Variants in SELENOO observed in about 807,000 individuals in gnomAD.
The protein encoded by SELENOO is selenoprotein O.
SELENOO carries 74 observed loss-of-function variants against 58.7 expected under a neutral mutation model. The observed-to-expected ratio is 1.26, with a 90% CI of 1.04 to 1.53. The LOEUF (loss-of-function observed/expected upper bound fraction) is 1.53, where lower values mean the gene tolerates loss of function less well. Among genes scored for constraint, SELENOO ranks in the 40% most tolerant of loss-of-function variants. The pLI is 0.00. For synonymous variants in SELENOO, 543 were observed against 453.2 expected (o/e 1.20, Z -2.52); for missense variants, 1,149 against 970.0 (o/e 1.18, Z -2.45).
chr22:50,205,463 A>G (rs1299920054), intron 1 of SELENOO: 1 of 152,244 alleles, frequency 6.6e-6, no homozygotes, highest in African/African-American at 2.4e-5. Context: ...CATTGCCTGT[A>G]GTCCCATCTG....
chr22:50,208,455 A>G (rs1181667712), intron 2 of SELENOO, 81 bp from the exon 3 acceptor site: 2 of 1,354,816 alleles, frequency 1.5e-6, no homozygotes, highest in Non-Finnish European at 2.0e-6. Flanking sequence ...AATAGCCACA[A>G]CAACGTCTTT....
At chr22:50,209,724 C>G (rs938087982) in intron 3 of SELENOO, among the ~76,000 whole-genome samples, 3 of 152,148 alleles carry the variant, frequency 2.0e-5, no homozygotes, top group African/African-American at 7.2e-5. Context: ...GGGCTCCTGG[C>G]CCCCCTGTTG....
intron 1 of SELENOO, among the ~76,000 whole-genome samples, chr22:50,204,097 C>T (rs76348113): frequency 0.045 from 6,788 of 152,254 alleles, 500 homozygotes; most frequent in African/African-American, 0.16. Flanking sequence ...AGACGCTCAA[C>T]GTCATCAATC....
At chr22:50,207,477 C>T (rs1168329371) in intron 2 of SELENOO, among the ~76,000 whole-genome samples, 1 of 151,990 alleles carries the variant, frequency 6.6e-6, no homozygotes, top group African/African-American at 2.4e-5. Context: ...GCACTTCCTC[C>T]TGAACACCTG....
chr22:50,205,396 G>A (rs1292864526), intron 1 of SELENOO, among the ~76,000 whole-genome samples: 1 of 152,176 alleles, frequency 6.6e-6, no homozygotes, highest in Non-Finnish European at 1.5e-5. Context: ...GACTAGCGTG[G>A]GCAACATAAA....
rs1342530759 is a variant in SELENOO at position 50,210,874 on chromosome 22, G to A, written c.1314G>A (p.Ala438=). 17 of 1,614,004 alleles carry A rather than the reference G, an allele frequency of 1.1e-5. No individual in the cohort carries two copies. The highest frequency in any genetic ancestry group is 1.7e-5 in the Admixed American group (1 of 60,004). Residue 438 remains alanine (A), a synonymous_variant, in exon 5 of 9, where the codon GCG becomes GCA. Transcript: ENST00000380903. ...LVQVELEEDG[A]LVSKLLETMH... ...AGGTGGAGCTGGAGGAAGACGGGGC[G>A]CTGGTGTCCAAGCTCCTGGAGACCA...
rs376593934 is a variant in SELENOO, at chr22:50,216,790, G to A, written c.1602G>A (p.Glu534=). Residue 534 remains glutamate, a synonymous_variant, in exon 7 of 9, where the codon GAG becomes GAA. Coordinates refer to ENST00000380903, the MANE Select transcript of SELENOO (RefSeq NM_031454.2). ...TCGCCAGGGAGCTGGAGCGTGTGGA[G>A]CAGCAGTCTCGGCTGGAGCAGCTGA... The part of the protein sequence containing the change: ...AGIARELERV[E]QQSRLEQLSA... 45 of 1,609,146 alleles carry A rather than the reference G, an allele frequency of 2.8e-5. No individual in the cohort carries two copies. In the African/African-American group the frequency reaches 5.5e-4, roughly 20 times the overall value.
At position 50,210,186 on chromosome 22, in the gene SELENOO, G is replaced by A. The variant is rs574700035; in HGVS notation, c.945G>A (p.Thr315=). ...QRNAAFFREV[T]RRTARMVAEW... The stretch of plus-strand genomic sequence containing the variant: ...AGCACACTGTCCCACCCCAGGTGAC[G>A]CGGCGCACGGCGCGGATGGTGGCCG... Residue 315 remains threonine, a synonymous_variant, in exon 4 of 9, where the codon ACG becomes ACA. Coordinates refer to ENST00000380903, the MANE Select transcript of SELENOO (RefSeq NM_031454.2). 20 of 1,612,928 alleles carry A rather than the reference G, an allele frequency of 1.2e-5. No homozygotes were observed. The highest frequency in any genetic ancestry group is 1.1e-4 in the South Asian group (10 of 91,032).
At chr22:50,206,277 C>T in intron 1 of SELENOO, 40 bp from the exon 2 acceptor site, 2 of 1,587,178 alleles carry the variant, frequency 1.3e-6, no homozygotes, top group South Asian at 2.2e-5. Flanking sequence ...TGGGTGACCT[C>T]CTGACCGGCC....
intron 1 of SELENOO, 137 bp from the exon 2 acceptor site, chr22:50,206,180 C>T: frequency 1.4e-6 from 1 of 699,266 alleles, no homozygotes; most frequent in Non-Finnish European, 2.4e-6. Flanking sequence ...CCTGATGTCA[C>T]CTGGGACGGG....
rs1307801440 is a variant in SELENOO, at chr22:50,217,478, C to T, written c.*109C>T. ...ATACACTGGGGGATTCTGCCCTGGC[C>T]CATGCACACCCGTCTTTCCATGATG... On this transcript the variant is annotated 3_prime_UTR_variant, in exon 9 of 9. Coordinates refer to ENST00000380903, the MANE Select transcript of SELENOO (RefSeq NM_031454.2). 9.2e-6 allele frequency: 12 copies of T among 1,305,618 alleles called. No homozygotes were observed. The highest frequency in any genetic ancestry group is 5.0e-5 in the East Asian group (2 of 39,702). The allele number at this position is 1,305,618 out of a possible 1,614,324, so 80.9% of individuals were successfully genotyped here. A position where few individuals can be genotyped will look rare whatever the true frequency, so the allele number is the denominator to read the frequency against.
chr22:50,214,726 C>T (rs547347879), intron 5 of SELENOO, among the ~76,000 whole-genome samples: 1 of 152,358 alleles, frequency 6.6e-6, no homozygotes, highest in African/African-American at 2.4e-5. Context: ...GATTGCGCCA[C>T]TGCACTCCAG....
intron 5 of SELENOO, among the ~76,000 whole-genome samples, chr22:50,213,091 T>TA (rs1261496292): frequency 1.3e-5 from 2 of 152,192 alleles, no homozygotes; most frequent in Non-Finnish European, 2.9e-5. Flanking sequence ...GACGGAGTCT[T>TA]ACTCTGTCGC....
rs2064364330 is a variant in SELENOO, at chr22:50,210,703, G to A, written c.1143G>A (p.Val381=). 1 of 1,613,390 alleles carries A rather than the reference G, an allele frequency of 6.2e-7. No individual in the cohort carries two copies. The highest frequency in any genetic ancestry group is 2.2e-5 in the East Asian group (1 of 44,892). The change falls in exon 5 of 9, where the codon GTG becomes GTA. Residue 381 remains valine (V), a synonymous_variant. Transcript: ENST00000380903. ...ACGCGTACAGCAAGCAGCCCGAGGT[G>A]TGCAGGTGGAACCTGCGGAAGCTGG... The part of the protein sequence containing the change: ...GRYAYSKQPE[V]CRWNLRKLAE...
intron 2 of SELENOO, among the ~76,000 whole-genome samples, chr22:50,206,964 G>C (rs2064337277): frequency 6.6e-6 from 1 of 152,186 alleles, no homozygotes; most frequent in African/African-American, 2.4e-5. Flanking sequence ...TTATGACAAG[G>C]AACTACTTAG....
chr22:50,203,542 G>T (rs1312796985), intron 1 of SELENOO, among the ~76,000 whole-genome samples: 2 of 152,200 alleles, frequency 1.3e-5, no homozygotes, highest in Non-Finnish European at 2.9e-5. Context: ...CAGTGGGATG[G>T]AATAAAGAGC....
Position 50,216,855 on chromosome 22 carries a change from C to A in SELENOO, c.1667C>A (p.Ala556Asp). The A allele has an allele frequency of 6.2e-7, 1 of 1,608,118 alleles. No individual in the cohort carries two copies. The highest frequency in any genetic ancestry group is 8.5e-7 in the Non-Finnish European group (1 of 1,179,882). Reference sequence around the variant, plus strand: ...CAGAGCAGGAACCAGGGCCACTGGGCTGACTGGCTACAGGCGTACAGGTGA... The same window carrying A: ...CAGAGCAGGAACCAGGGCCACTGGGATGACTGGCTACAGGCGTACAGGTGA... ...ELQSRNQGHW[A>D]DWLQAYRARL... Residue 556 changes from alanine to aspartate, a missense_variant, in exon 7 of 9, where the codon GCT becomes GAT. Ala to Asp is a moderately radical substitution (Grantham distance 126). Coordinates refer to ENST00000380903, the MANE Select transcript of SELENOO (RefSeq NM_031454.2).
At position 50,201,584 on chromosome 22, in the gene SELENOO, T is replaced by G. The variant is rs2064301494; in HGVS notation, c.548T>G (p.Phe183Cys). 7.6e-7 allele frequency: 1 copy of G among 1,309,110 alleles called. No homozygotes were observed. Among genetic ancestry groups the G allele is most frequent in the South Asian group, 2.0e-5 (1 of 51,154 alleles). 81.1% of individuals were successfully genotyped at this position (1,309,110 alleles called of 1,614,324 possible). ...LQLKGAGPTP[F>C]SRQADGRKVL... ...CTCAAGGGCGCCGGGCCCACGCCCTTCTCCAGGTGGGCCGGGGCGGGCGAG... is the reference window on the plus strand; with the variant it reads ...CTCAAGGGCGCCGGGCCCACGCCCTGCTCCAGGTGGGCCGGGGCGGGCGAG... The change falls in exon 1 of 9, where the codon TTC becomes TGC. Residue 183 changes from phenylalanine (F) to cysteine (C), a missense_variant. Phe to Cys is a radical substitution (Grantham distance 205, BLOSUM62 -2). Coordinates refer to ENST00000380903, the MANE Select transcript of SELENOO (RefSeq NM_031454.2).
At position 50,208,615 on chromosome 22, in the gene SELENOO, C is replaced by G. The variant is rs776240322; in HGVS notation, c.838C>G (p.Arg280Gly). The G allele has an allele frequency of 3.9e-5, 63 of 1,613,808 alleles. No homozygotes were observed. In the South Asian group the frequency reaches 6.0e-4, roughly 15 times the overall value. The change falls in exon 3 of 9, where the codon CGA (arginine) becomes GGA (glycine). Residue 280 changes from arginine (R) to glycine (G), a missense_variant. Physicochemically the swap from Arg to Gly is moderately radical, Grantham distance 125 (BLOSUM62 -2). Transcript: ENST00000380903. ...AGPSVGRNDI[R>G]VQLLDYVISS... The stretch of plus-strand genomic sequence containing the variant: ...CCCCAGCGTGGGGAGGAACGACATT[C>G]GAGTGCAGCTGCTCGACTATGTCAT...
Sources: allele counts gnomAD v4.1 joint callset (sites outside exome capture counted in the v4.1 genomes callset), GRCh38; gene constraint gnomAD v4.1.1; transcripts MANE v1.5; gene names NCBI Gene and HGNC (gene_info 2026-07-23, HGNC 2026-07-21).